The following XCR1 variants were observed in gnomAD, a reference collection of about 807,000 sequenced individuals.
XCR1 encodes the protein chemokine XC receptor 1.
For missense variants in XCR1, 356 were observed against 424.2 expected, an observed-to-expected ratio of 0.84 and a Z score of 1.41; for synonymous variants, 187 against 188.5, an observed-to-expected ratio of 0.99 and a Z score of 0.06.
Position 46,027,464 on chromosome 3 carries a change from C to T in XCR1, c.-79G>A, listed in dbSNP as rs1270119770. 1 of 152,240 alleles carries T rather than the reference C, an allele frequency of 6.6e-6. No individual in the cohort carries two copies. Among genetic ancestry groups the T allele is most frequent in the Admixed American group, 6.5e-5 (1 of 15,286 alleles). 9.4% of individuals were successfully genotyped at this position (152,240 alleles called of 1,614,324 possible). On this transcript the variant is annotated 5_prime_UTR_variant, in exon 1 of 2. Transcript: ENST00000309285. ...GCGTCTTGAGGCAGAAATGGTGCTTCTCTGTTTCATATTTCACTTAAAGAA... is the reference window on the plus strand; with the variant it reads ...GCGTCTTGAGGCAGAAATGGTGCTTTTCTGTTTCATATTTCACTTAAAGAA...
rs1708218324 is a variant in XCR1, at chr3:46,023,691, G to T, written c.-31-1713C>A. On this transcript the variant is annotated intron_variant, in intron 1 of 1. Coordinates refer to ENST00000309285, the MANE Select transcript of XCR1 (RefSeq NM_001024644.2). Reference sequence around the variant, plus strand: ...AGAAACGCCTGCTTGAGATTCAGGGGATCTTTGACAGGGATCCAGACACAC... The same window carrying T: ...AGAAACGCCTGCTTGAGATTCAGGGTATCTTTGACAGGGATCCAGACACAC... 4.0e-6 allele frequency: 6 copies of T among 1,497,414 alleles called. No individual in the cohort carries two copies. In the South Asian group the frequency reaches 7.0e-5, roughly 18 times the overall value. The allele number at this position is 1,497,414 out of a possible 1,614,324, so 92.8% of individuals were successfully genotyped here. A position where few individuals can be genotyped will look rare whatever the true frequency, so the allele number is the denominator to read the frequency against.
At chr3:46,028,561 C>T (rs781394183), upstream of XCR1, among the ~76,000 whole-genome samples, 10 of 151,228 alleles carry the variant, frequency 6.6e-5, no homozygotes, top group Non-Finnish European at 1.5e-4. Context: ...TACCCTTCGA[C>T]ACACAAATGC....
rs200624701 is a variant in XCR1 at position 46,021,494 on chromosome 3, C to T, written c.454G>A (p.Ala152Thr). The change falls in exon 2 of 2, where the codon GCT becomes ACT. Residue 152 changes from alanine (A) to threonine (T), a missense_variant. Coordinates refer to ENST00000309285, the MANE Select transcript of XCR1 (RefSeq NM_001024644.2). This position sits in a 1 kb window ranked among gnomAD's most constrained non-coding sequence, Gnocchi z 4.7. Reference sequence around the variant, plus strand: ...GACAGGATGCTGGCTACCCACACAGCCATGGTCACCAGCACCCGGCAGCGG... The same window carrying T: ...GACAGGATGCTGGCTACCCACACAGTCATGGTCACCAGCACCCGGCAGCGG... The part of the protein sequence containing the change: ...TLRCRVLVTM[A>T]VWVASILSSI... The T allele has an allele frequency of 7.1e-5, 114 of 1,613,414 alleles. No individual in the cohort carries two copies. Among genetic ancestry groups the T allele is most frequent in the Non-Finnish European group, 9.2e-5 (109 of 1,179,740 alleles).
In XCR1 at chr3:46,021,909, A is replaced by G. The variant is rs777901765; in HGVS notation, c.39T>C (p.Phe13=). 1 of 1,613,910 alleles carries G rather than the reference A, an allele frequency of 6.2e-7. No homozygotes were observed. The highest frequency in any genetic ancestry group is 8.5e-7 in the Non-Finnish European group (1 of 1,179,906). ...SSGNPESTTF[F]YYDLQSQPCE... Reference sequence around the variant, plus strand: ...ACGGCTGGCTCTGAAGGTCATAGTAAAAAAAGGTGGTGCTCTCTGGGTTGC... The same window carrying G: ...ACGGCTGGCTCTGAAGGTCATAGTAGAAAAAGGTGGTGCTCTCTGGGTTGC... Residue 13 remains phenylalanine, a synonymous_variant, in exon 2 of 2, where the codon TTT becomes TTC. Transcript: ENST00000309285. This position sits in a 1 kb window ranked among gnomAD's most constrained non-coding sequence, Gnocchi z 4.7.
chr3:46,038,992 A>T (rs779874525), intron 5 of XCR1, among the ~76,000 whole-genome samples: 1 of 150,990 alleles, frequency 6.6e-6, no homozygotes, highest in Non-Finnish European at 1.5e-5. Context: ...AAAAAAAAAA[A>T]GTGAGACTTT....
chr3:46,058,061 CAT>C (rs1697887581), intron 4 of XCR1, among the ~76,000 whole-genome samples: 1 of 152,148 alleles, frequency 6.6e-6, no homozygotes, highest in Admixed American at 6.5e-5. Context: ...AAGCCTGACT[CAT>C]ATGGATTTAG....
At chr3:46,083,356 T>C (rs1052791669) in intron 1 of XCR1, among the ~76,000 whole-genome samples, 39 of 152,354 alleles carry the variant, frequency 2.6e-4, no homozygotes, top group African/African-American at 8.4e-4. Context: ...GAGCATGGAA[T>C]GTTGAAGGGC....
chr3:46,023,411 C>T (rs1362406998), intron 1 of XCR1: 23 of 1,464,702 alleles, frequency 1.6e-5, no homozygotes, highest in Middle Eastern at 3.8e-4. Flanking sequence ...AAGGCTGCGG[C>T]ATATCTTTCT....
upstream of XCR1, among the ~76,000 whole-genome samples, chr3:46,031,067 G>A (rs930795176): frequency 9.9e-5 from 15 of 152,214 alleles, no homozygotes; most frequent in Admixed American, 7.9e-4. Context: ...CCACACAGCC[G>A]GCAGGAGCTG....
chr3:46,073,717 A>G (rs1432091236), intron 3 of XCR1, among the ~76,000 whole-genome samples: 1 of 110,518 alleles, frequency 9.0e-6, no homozygotes, highest in East Asian at 2.1e-4. Flanking sequence ...AGGAATTCAA[A>G]CAACTCAACA....
chr3:46,056,518 G>C (rs989410073), intron 4 of XCR1, among the ~76,000 whole-genome samples: 1 of 152,022 alleles, frequency 6.6e-6, no homozygotes, highest in African/African-American at 2.4e-5. Flanking sequence ...CTGTTGCCCA[G>C]GCTAGAGTGC....
At position 46,020,802 on chromosome 3, in the gene XCR1, T is replaced by C; in HGVS notation, c.*144A>G. 6 of 1,177,842 alleles carry C rather than the reference T, an allele frequency of 5.1e-6. No homozygotes were observed. The highest frequency in any genetic ancestry group is 6.9e-6 in the Non-Finnish European group (6 of 867,328). 73.0% of individuals were successfully genotyped at this position (1,177,842 alleles called of 1,614,324 possible). On this transcript the variant is annotated 3_prime_UTR_variant, in exon 2 of 2. Coordinates refer to ENST00000309285, the MANE Select transcript of XCR1 (RefSeq NM_001024644.2). The stretch of plus-strand genomic sequence containing the variant: ...AGGCTGGCGGGACCCACTGGTGTAA[T>C]GAATGACCTTCACTGCACGCCTGCA...
intron 3 of XCR1, among the ~76,000 whole-genome samples, chr3:46,067,698 A>G (rs927348241): frequency 6.6e-6 from 1 of 152,166 alleles, no homozygotes; most frequent in African/African-American, 2.4e-5. Context: ...TAACTTGGGG[A>G]CCATATTTCA....
At chr3:46,056,564 C>G (rs1697855461) in intron 4 of XCR1, among the ~76,000 whole-genome samples, 1 of 152,134 alleles carries the variant, frequency 6.6e-6, no homozygotes, top group Non-Finnish European at 1.5e-5. Flanking sequence ...GCCTCAACCT[C>G]CTGGACTCAA....
intron 3 of XCR1, among the ~76,000 whole-genome samples, chr3:46,069,235 A>G (rs1165978877): frequency 6.6e-6 from 1 of 152,028 alleles, no homozygotes; most frequent in East Asian, 1.9e-4. Flanking sequence ...AAGTAAGTAG[A>G]AAAAAAGGAA....
chr3:46,076,635 G>T (rs533078624), intron 2 of XCR1, among the ~76,000 whole-genome samples: 2 of 151,024 alleles, frequency 1.3e-5, no homozygotes, highest in East Asian at 3.9e-4. Flanking sequence ...TTAAAAGACA[G>T]AATTGTGGCT....
At chr3:46,024,012 C>T (rs1708234591) in intron 1 of XCR1, 1 of 1,371,278 alleles carries the variant, frequency 7.3e-7, no homozygotes, top group East Asian at 2.3e-5. Flanking sequence ...CTACAGCCTC[C>T]TCAACCTGGC....
At chr3:46,023,663 C>T in intron 1 of XCR1, 3 of 1,417,862 alleles carry the variant, frequency 2.1e-6, no homozygotes, top group South Asian at 1.2e-5. Context: ...AGCCCTTCTT[C>T]AGAGAAACGC....
At chr3:46,060,904 T>C (rs371418389) in intron 4 of XCR1, among the ~76,000 whole-genome samples, 7 of 152,304 alleles carry the variant, frequency 4.6e-5, no homozygotes, top group African/African-American at 1.7e-4. Flanking sequence ...TTCAGGATGA[T>C]GGGGAATATG....
Sources: allele counts gnomAD v4.1 joint callset (sites outside exome capture counted in the v4.1 genomes callset), GRCh38; gene constraint gnomAD v4.1.1; non-coding constraint Gnocchi (gnomAD v3.1); transcripts MANE v1.5; gene names NCBI Gene and HGNC (gene_info 2026-07-23, HGNC 2026-07-21).